DYNC2H1: variants seen among roughly 807,000 people sequenced by gnomAD.
DYNC2H1 encodes the protein cytoplasmic dynein 2 heavy chain 1.
A neutral mutation model predicts 570.0 loss-of-function variants in DYNC2H1; 410 were observed. The ratio of observed to expected loss-of-function variants is 0.72; its 90% confidence interval spans 0.66 to 0.78. The LOEUF is 0.78. Among genes scored for constraint, DYNC2H1 ranks in the 30% least tolerant of loss-of-function variants. The pLI is 0.00. For missense variants in DYNC2H1, 4,865 were observed against 5,046.4 expected, an observed-to-expected ratio of 0.96 and a Z score of 1.09; for synonymous variants, 1,688 against 1,677.6, an observed-to-expected ratio of 1.01 and a Z score of -0.15.
At position 103,179,101 on chromosome 11, in the gene DYNC2H1, A is replaced by G; in HGVS notation, c.6215A>G (p.Asp2072Gly). The change falls in exon 39 of 89, where the codon GAT (aspartate) becomes GGT (glycine). Residue 2072 changes from aspartate (D) to glycine (G), a missense_variant. This residue lies in a region of DYNC2H1 where 231 missense variants were observed against 310.3 expected (regional missense o/e 0.74). Coordinates refer to ENST00000375735, the MANE Select transcript of DYNC2H1 (RefSeq NM_001377.3). ...GAATCTCTGAATTCTGTTCTGGATG[A>G]TAATCGACTGCTGACTATGCCCAGT... is the stretch of plus-strand genomic sequence containing the variant. ...WIESLNSVLD[D>G]NRLLTMPSGE... 7 of 1,613,050 alleles carry G rather than the reference A, an allele frequency of 4.3e-6. No homozygotes were observed. The highest frequency in any genetic ancestry group is 5.9e-6 in the Non-Finnish European group (7 of 1,179,284).
rs58016632 is a variant in DYNC2H1, at chr11:103,243,256, TATAGATAG to T, written c.9820-393_9820-386del. 0.24 allele frequency among the ~76,000 whole-genome samples: 34,952 copies of T among 146,378 alleles called. 4,206 individuals are homozygous for T. Among genetic ancestry groups the T allele is most frequent in the East Asian group, 0.29 (1,434 of 4,904 alleles). ...TTATAGTTTTTATTCAAACAAAGAATATAGATAGATAGATAGATAGATAGATAGATAGA... is the reference window on the plus strand; with the variant it reads ...TTATAGTTTTTATTCAAACAAAGAATATAGATAGATAGATAGATAGATAGA... On this transcript the variant is annotated intron_variant, in intron 63 of 88. Coordinates refer to ENST00000375735, the MANE Select transcript of DYNC2H1 (RefSeq NM_001377.3). This position sits in a 1 kb window ranked among gnomAD's most constrained non-coding sequence, Gnocchi z 4.8.
chr11:103,286,200 G>A lies in DYNC2H1; in HGVS notation c.10891-55G>A, dbSNP rs10437714. ...ACTTTTAGTTTTTTTAAAAATAAATGTATGTGCTTATATTTGCTTATAGCT... is the reference window on the plus strand; with the variant it reads ...ACTTTTAGTTTTTTTAAAAATAAATATATGTGCTTATATTTGCTTATAGCT... On this transcript the variant is annotated intron_variant, in intron 73 of 88. Transcript: ENST00000375735. 10,309 of 1,582,198 alleles carry A rather than the reference G, an allele frequency of 6.5e-3. 590 individuals carry two copies. In the African/African-American group the frequency reaches 0.12, roughly 19 times the overall value.
chr11:103,383,478 A>ATTT lies in DYNC2H1; in HGVS notation c.12157-16174_12157-16172dup, dbSNP rs35091786. 2.9e-3 allele frequency among the ~76,000 whole-genome samples: 240 copies of ATTT among 82,518 alleles called. 1 individual carries two copies. The highest frequency in any genetic ancestry group is 8.5e-3 in the African/African-American group (229 of 27,016). 54.1% of individuals were successfully genotyped at this position (82,518 alleles called of 152,430 possible). A position where few individuals can be genotyped will look rare whatever the true frequency, so the allele number is the denominator to read the frequency against. ...TAATTCTTTCTCCTTTTAAATCTTT[A>ATTT]TTTTTTTTTTTTTGAGATGGAGTCT... On this transcript the variant is annotated intron_variant, in intron 83 of 88. Transcript: ENST00000375735.
rs556557368 is a variant in DYNC2H1, at chr11:103,196,362, C to A, written c.7709-1571C>A. 5.3e-5 allele frequency among the ~76,000 whole-genome samples: 8 copies of A among 152,198 alleles called. No individual in the cohort carries two copies. The South Asian group carries it at 1.7e-3, about 32-fold the overall frequency. On this transcript the variant is annotated intron_variant, in intron 47 of 88. Transcript: ENST00000375735. ...TTTTGGAAATCTACATGGAGTTGATCATTTATGAGGGTAGGAATCATGTTT... is the reference window on the plus strand; with the variant it reads ...TTTTGGAAATCTACATGGAGTTGATAATTTATGAGGGTAGGAATCATGTTT...
In DYNC2H1 at chr11:103,252,609, C is replaced by A. The variant is rs896387073; in HGVS notation, c.10043-676C>A. On this transcript the variant is annotated intron_variant, in intron 65 of 88. Coordinates refer to ENST00000375735, the MANE Select transcript of DYNC2H1 (RefSeq NM_001377.3). The surrounding 1 kb of genome is among the most constrained non-coding windows in gnomAD (Gnocchi z 4.6). Reference sequence around the variant, plus strand: ...CCTCATGATAAGTGATGTTGAGCATCGTTTCATATAGCTGTTGGCCATATT... The same window carrying A: ...CCTCATGATAAGTGATGTTGAGCATAGTTTCATATAGCTGTTGGCCATATT... 1.3e-5 allele frequency among the ~76,000 whole-genome samples: 2 copies of A among 152,092 alleles called. No homozygotes were observed. The highest frequency in any genetic ancestry group is 4.8e-5 in the African/African-American group (2 of 41,404).
chr11:103,412,520 T>G (rs1325858756), intron 84 of DYNC2H1, among the ~76,000 whole-genome samples: 1 of 152,160 alleles, frequency 6.6e-6, no homozygotes, highest in African/African-American at 2.4e-5. Flanking sequence ...ATGTACCATT[T>G]TAGTAGAAAT....
At chr11:103,470,784 A>C (rs1215749267) in intron 88 of DYNC2H1, among the ~76,000 whole-genome samples, 2 of 152,196 alleles carry the variant, frequency 1.3e-5, no homozygotes, top group Non-Finnish European at 2.9e-5. Context: ...CATGGTGTAT[A>C]TGTGCCACAT....
At chr11:103,278,326 T>C (rs546146111) in intron 70 of DYNC2H1, among the ~76,000 whole-genome samples, 1 of 152,150 alleles carries the variant, frequency 6.6e-6, no homozygotes, top group Non-Finnish European at 1.5e-5. Flanking sequence ...TAACTAATGT[T>C]TATTGGGCTT....
rs1454792355 is a variant in DYNC2H1 at position 103,324,059 on chromosome 11, T to G, written c.12039+69T>G. On this transcript the variant is annotated intron_variant, in intron 82 of 88. Coordinates refer to ENST00000375735, the MANE Select transcript of DYNC2H1 (RefSeq NM_001377.3). The surrounding 1 kb of genome is among the most constrained non-coding windows in gnomAD (Gnocchi z 5.2). ...AGCCTGAAGGAGACAAAATTAAACT[T>G]GATTTAGTACTGTAGACCCCACAAG... The G allele has an allele frequency of 8.6e-7, 1 of 1,161,376 alleles. No homozygotes were observed. The highest frequency in any genetic ancestry group is 1.2e-6 in the Non-Finnish European group (1 of 843,700). 71.9% of individuals were successfully genotyped at this position (1,161,376 alleles called of 1,614,324 possible).
intron 84 of DYNC2H1, among the ~76,000 whole-genome samples, chr11:103,411,818 T>A (rs1251189795): frequency 1.3e-5 from 2 of 152,144 alleles, no homozygotes; most frequent in African/African-American, 4.8e-5. Context: ...ATAATTTCAA[T>A]ATATAAAGTA....
chr11:103,303,052 C>A, intron 75 of DYNC2H1, 41 bp from the exon 76 acceptor site: 2 of 1,330,400 alleles, frequency 1.5e-6, no homozygotes, highest in Non-Finnish European at 2.0e-6. Flanking sequence ...TTTAATAATG[C>A]ATACTGCTTT....
In DYNC2H1 at chr11:103,479,488, T is replaced by A. The variant is rs1945676622; in HGVS notation, c.*235T>A. ...TATTCTTTTGACAACATTAAATATT[T>A]CTGTGAGAAAGTTCACTTTTCCAGT... On this transcript the variant is annotated 3_prime_UTR_variant, in exon 89 of 89. Coordinates refer to ENST00000375735, the MANE Select transcript of DYNC2H1 (RefSeq NM_001377.3). 5.3e-6 allele frequency: 2 copies of A among 376,380 alleles called. No homozygotes were observed. Among genetic ancestry groups the A allele is most frequent in the Non-Finnish European group, 4.3e-6 (1 of 232,548 alleles). The allele number at this position is 376,380 out of a possible 1,614,324, so 23.3% of individuals were successfully genotyped here. A position where few individuals can be genotyped will look rare whatever the true frequency, so the allele number is the denominator to read the frequency against.
chr11:103,234,739 CA>C (rs1438965412), intron 61 of DYNC2H1, among the ~76,000 whole-genome samples: 1 of 151,910 alleles, frequency 6.6e-6, no homozygotes, highest in African/African-American at 2.4e-5. Flanking sequence ...ACCAGAGCTA[CA>C]TTTCCAGACT....
chr11:103,177,498 A>G lies in DYNC2H1; in HGVS notation c.5875-58A>G, dbSNP rs991248592. ...AGAACAAGTGTTACAGAATAAAAGC[A>G]GAACTAAGTATGATTGAATATTATA... On this transcript the variant is annotated intron_variant, in intron 37 of 88. Coordinates refer to ENST00000375735, the MANE Select transcript of DYNC2H1 (RefSeq NM_001377.3). The surrounding 1 kb of genome is among the most constrained non-coding windows in gnomAD (Gnocchi z 4.4). 9 of 1,521,954 alleles carry G rather than the reference A, an allele frequency of 5.9e-6. No homozygotes were observed. The highest frequency in any genetic ancestry group is 1.4e-5 in the African/African-American group (1 of 70,310). 94.3% of individuals were successfully genotyped at this position (1,521,954 alleles called of 1,614,324 possible).
In DYNC2H1 at chr11:103,451,324, C is replaced by CTTTTT. The variant is rs34032894; in HGVS notation, c.12457-3839_12457-3835dup. Among the ~76,000 whole-genome samples the CTTTTT allele has an allele frequency of 2.0e-4, 14 of 71,010 alleles. 1 individual carries two copies. The highest frequency in any genetic ancestry group is 5.4e-4 in the South Asian group (1 of 1,862). The allele number at this position is 71,010 out of a possible 152,430, so 46.6% of individuals were successfully genotyped here. On this transcript the variant is annotated intron_variant, in intron 85 of 88. Coordinates refer to ENST00000375735, the MANE Select transcript of DYNC2H1 (RefSeq NM_001377.3). ...AGAAATGAATCACTGAGTAAAAGGG[C>CTTTTT]TTTTTTTTTTTTTTTTTTTTTTTTT...
intron 12 of DYNC2H1, among the ~76,000 whole-genome samples, chr11:103,126,347 G>A (rs924013470): frequency 6.6e-6 from 1 of 152,120 alleles, no homozygotes; most frequent in Non-Finnish European, 1.5e-5. Flanking sequence ...CATCTGCTTA[G>A]CACTGCCAAT....
chr11:103,340,443 C>CT (rs1939388975), intron 82 of DYNC2H1, among the ~76,000 whole-genome samples: 1 of 152,086 alleles, frequency 6.6e-6, no homozygotes, highest in Non-Finnish European at 1.5e-5. Flanking sequence ...CCTATGAAGC[C>CT]TTATCTTTAG....
rs541028343 is a variant in DYNC2H1 at position 103,479,165 on chromosome 11, G to A, written c.12836G>A (p.Arg4279His). 15 of 1,613,804 alleles carry A rather than the reference G, an allele frequency of 9.3e-6. No homozygotes were observed. The Admixed American group carries it at 1.3e-4, about 14-fold the overall frequency. The change falls in exon 89 of 89, where the codon CGT becomes CAT. Residue 4279 changes from arginine to histidine, a missense_variant. Arg to His is a conservative substitution (Grantham distance 29, BLOSUM62 0). This residue lies in a region of DYNC2H1 where 2,401 missense variants were observed against 2,454.6 expected (regional missense o/e 0.98). Coordinates refer to ENST00000375735, the MANE Select transcript of DYNC2H1 (RefSeq NM_001377.3). ...LPVYTSAERD[R>H]VVTNIDVPCG... ...GTTTACACAAGTGCTGAAAGGGATC[G>A]TGTGGTTACCAATATTGATGTTCCA...
chr11:103,468,937 G>A (rs1810618731), intron 88 of DYNC2H1, among the ~76,000 whole-genome samples: 1 of 152,172 alleles, frequency 6.6e-6, no homozygotes, highest in Admixed American at 6.5e-5. Context: ...AATTTCTGGA[G>A]AGTTTATAGC....
Sources: allele counts gnomAD v4.1 joint callset (sites outside exome capture counted in the v4.1 genomes callset), GRCh38; gene constraint gnomAD v4.1.1; regional missense constraint gnomAD v4.1.1; non-coding constraint Gnocchi (gnomAD v3.1); transcripts MANE v1.5; gene names NCBI Gene and HGNC (gene_info 2026-07-23, HGNC 2026-07-21).